The following FMN1 variants were observed in gnomAD, a reference collection of about 807,000 sequenced individuals.
The protein encoded by FMN1 is formin 1, also known as formin-1.
In FMN1, 110 loss-of-function variants were observed where a neutral mutation model predicts 132.4. The ratio of observed to expected loss-of-function variants is 0.83; its 90% confidence interval spans 0.71 to 0.97. The LOEUF is 0.97. Among genes scored for constraint, FMN1 ranks in the 50% least tolerant of loss-of-function variants. The pLI, the probability that FMN1 is intolerant of heterozygous loss-of-function variation, is 0.00. For synonymous variants in FMN1, 722 were observed against 651.7 expected (o/e 1.11, Z -1.64); for missense variants, 1,792 against 1,705.3 (o/e 1.05, Z -0.90).
intron 9 of FMN1, 77 bp from the exon 10 acceptor site, chr15:32,926,338 T>C (rs548578860): frequency 1.3e-5 from 10 of 744,318 alleles, no homozygotes; most frequent in Non-Finnish European, 2.2e-5. Flanking sequence ...CCAAAAACAT[T>C]AAATTTTTTT....
chr15:32,835,690 T>C (rs1296028138), intron 17 of FMN1, among the ~76,000 whole-genome samples: 1 of 152,188 alleles, frequency 6.6e-6, no homozygotes, highest in East Asian at 1.9e-4. Flanking sequence ...AAGTGTAACT[T>C]TGGTGTTCAG....
intron 5 of FMN1, among the ~76,000 whole-genome samples, chr15:33,088,324 C>T (rs2038779619): frequency 6.6e-6 from 1 of 152,172 alleles, no homozygotes; most frequent in African/African-American, 2.4e-5. Flanking sequence ...CTATATTCTG[C>T]AGATTTTCTG....
intron 9 of FMN1, among the ~76,000 whole-genome samples, chr15:32,958,786 A>C (rs1253750577): frequency 2.0e-5 from 3 of 152,162 alleles, no homozygotes; most frequent in Non-Finnish European, 4.4e-5. Flanking sequence ...TCACGCCTGT[A>C]ATCCCAGCAC....
chr15:33,128,305 A>C (rs555986538), intron 4 of FMN1, among the ~76,000 whole-genome samples: 1 of 152,344 alleles, frequency 6.6e-6, no homozygotes, highest in South Asian at 2.1e-4. Context: ...ATGGCTGCTG[A>C]CTAGGCCCGA....
At chr15:33,137,582 A>G (rs566212507) in intron 4 of FMN1, among the ~76,000 whole-genome samples, 1 of 152,316 alleles carries the variant, frequency 6.6e-6, no homozygotes, top group South Asian at 2.1e-4. Context: ...TCTTCCCAGG[A>G]GAGGATTCTG....
At chr15:32,946,645 A>C (rs1447527940) in intron 9 of FMN1, among the ~76,000 whole-genome samples, 3 of 152,212 alleles carry the variant, frequency 2.0e-5, no homozygotes, top group Non-Finnish European at 4.4e-5. Flanking sequence ...GATTTGAAAA[A>C]TAAAATCTAT....
chr15:33,107,827 A>G lies in FMN1; in HGVS notation c.1868-18853T>C, dbSNP rs7167334. ...TCAGATCTGGTTTTCTTCTGTATATAGGTGGTACTATGATGATCCCTCTTT... is the reference window on the plus strand; with the variant it reads ...TCAGATCTGGTTTTCTTCTGTATATGGGTGGTACTATGATGATCCCTCTTT... On this transcript the variant is annotated intron_variant, in intron 4 of 20. Coordinates refer to ENST00000616417, the MANE Select transcript of FMN1 (RefSeq NM_001277313.2). Among the ~76,000 whole-genome samples the G allele has an allele frequency of 2.0e-3, 311 of 152,248 alleles. 1 individual carries two copies. Among genetic ancestry groups the G allele is most frequent in the African/African-American group, 6.9e-3 (287 of 41,572 alleles).
rs74008217 is a variant in FMN1 at position 33,124,819 on chromosome 15, G to A, written c.1867+28229C>T. The stretch of plus-strand genomic sequence containing the variant: ...TTTGCATGGGATCAATTCAATACTA[G>A]ATGAAAAAAATGCTTTTCATTTTTC... On this transcript the variant is annotated intron_variant, in intron 4 of 20. Coordinates refer to ENST00000616417, the MANE Select transcript of FMN1 (RefSeq NM_001277313.2). 4.4e-3 allele frequency among the ~76,000 whole-genome samples: 664 copies of A among 150,002 alleles called. 3 individuals are homozygous for A. The highest frequency in any genetic ancestry group is 0.016 in the African/African-American group (646 of 40,900).
intron 8 of FMN1, among the ~76,000 whole-genome samples, chr15:32,964,928 G>T (rs558729159): frequency 6.6e-6 from 1 of 152,192 alleles, no homozygotes; most frequent in Admixed American, 6.5e-5. Flanking sequence ...GGGAAACTGG[G>T]CTGTTTCATC....
intron 3 of FMN1, among the ~76,000 whole-genome samples, chr15:33,175,802 A>G (rs187592710): frequency 1.0e-3 from 153 of 152,248 alleles, no homozygotes; most frequent in Non-Finnish European, 1.2e-3. Flanking sequence ...TCTCACCCAT[A>G]TATTGTTCCC....
chr15:32,840,325 G>A (rs575984346), intron 17 of FMN1, among the ~76,000 whole-genome samples: 2 of 152,294 alleles, frequency 1.3e-5, no homozygotes, highest in South Asian at 2.1e-4. Context: ...GTCACTTCAA[G>A]GATGATCATA....
At chr15:32,908,435 G>T in intron 12 of FMN1, 55 bp downstream of exon 12, 2 of 1,149,410 alleles carry the variant, frequency 1.7e-6, no homozygotes, top group South Asian at 1.3e-5. Context: ...GAGACAAGAA[G>T]ACAGAAATTG....
At chr15:33,006,801 G>A (rs1441958100) in intron 7 of FMN1, among the ~76,000 whole-genome samples, 1 of 152,144 alleles carries the variant, frequency 6.6e-6, no homozygotes, top group Non-Finnish European at 1.5e-5. Context: ...AGAAAGACAT[G>A]GCATGACCTC....
chr15:32,899,910 T>G, intron 14 of FMN1, 69 bp downstream of exon 14: 1 of 1,492,608 alleles, frequency 6.7e-7, no homozygotes, highest in Non-Finnish European at 9.2e-7. Flanking sequence ...TGGAATACGT[T>G]TTTTAAAATT....
intron 6 of FMN1, among the ~76,000 whole-genome samples, chr15:33,024,900 A>G (rs2035594832): frequency 6.6e-6 from 1 of 152,228 alleles, no homozygotes; most frequent in Non-Finnish European, 1.5e-5. Context: ...CATGAATGAA[A>G]TAGAGCTATA....
chr15:32,867,395 C>T (rs1015526715), intron 16 of FMN1, among the ~76,000 whole-genome samples: 2 of 152,222 alleles, frequency 1.3e-5, no homozygotes, highest in African/African-American at 4.8e-5. Context: ...CAAACATGCT[C>T]ACTTCTTCCC....
intron 6 of FMN1, among the ~76,000 whole-genome samples, chr15:33,050,981 C>T (rs759027951): frequency 6.6e-6 from 1 of 152,130 alleles, no homozygotes; most frequent in Non-Finnish European, 1.5e-5. Context: ...TATGACCCCA[C>T]TTGTGTGGAA....
chr15:32,782,178 T>C (rs1050753005), intron 19 of FMN1, among the ~76,000 whole-genome samples: 10 of 152,210 alleles, frequency 6.6e-5, no homozygotes, highest in African/African-American at 2.2e-4. Flanking sequence ...TCTTAAACCA[T>C]TGGAATGACT....
At chr15:33,069,843 G>T (rs2037915442) in intron 5 of FMN1, among the ~76,000 whole-genome samples, 1 of 151,978 alleles carries the variant, frequency 6.6e-6, no homozygotes, top group African/African-American at 2.4e-5. Context: ...AAGCCACCAG[G>T]ACACTGCAGA....
Sources: gnomAD v4.1 joint callset for allele counts (sites outside exome capture counted in the v4.1 genomes callset) on GRCh38, gnomAD v4.1.1 for gene constraint, MANE v1.5 for transcripts, NCBI Gene and HGNC (gene_info 2026-07-23, HGNC 2026-07-21) for gene names.